Variants in PLPP4 observed in about 807,000 individuals in gnomAD.
PLPP4 encodes the protein phospholipid phosphatase 4.
Under a neutral mutation model 32.2 loss-of-function variants are expected in PLPP4, and 20 were observed. The ratio of observed to expected loss-of-function variants is 0.62; its 90% CI spans 0.44 to 0.90. The LOEUF (loss-of-function observed/expected upper bound fraction) is 0.90, where lower values mean the gene tolerates loss of function less well. Ranked by LOEUF, PLPP4 falls within the 40% of genes least tolerant of loss-of-function variation. The pLI is 0.00. For missense variants in PLPP4, 257 were observed against 353.1 expected (o/e 0.73, Z 2.18); for synonymous variants, 127 against 133.0 (o/e 0.95, Z 0.31).
intron 1 of PLPP4, among the ~76,000 whole-genome samples, chr10:120,487,547 T>C (rs896244098): frequency 6.6e-6 from 1 of 152,252 alleles, no homozygotes; most frequent in South Asian, 2.1e-4. Context: ...ATTAGCTTCC[T>C]TTTATCAATA....
At chr10:120,534,012 T>G (rs1846870935) in intron 5 of PLPP4, among the ~76,000 whole-genome samples, 1 of 152,190 alleles carries the variant, frequency 6.6e-6, no homozygotes, top group Non-Finnish European at 1.5e-5. Context: ...AGAAGAAAGA[T>G]GCATTTATAC....
At chr10:120,540,832 C>T (rs1033779327) in intron 5 of PLPP4, among the ~76,000 whole-genome samples, 2 of 152,180 alleles carry the variant, frequency 1.3e-5, no homozygotes, top group African/African-American at 4.8e-5. Flanking sequence ...GAGGTGAGAA[C>T]AGGCCATGAG....
intron 6 of PLPP4, among the ~76,000 whole-genome samples, chr10:120,587,748 T>G (rs1048067614): frequency 3.3e-5 from 5 of 152,230 alleles, no homozygotes; most frequent in African/African-American, 1.2e-4. Context: ...GAAAGATACA[T>G]TTCTTTAATG....
At chr10:120,568,385 G>T (rs550372496) in intron 5 of PLPP4, among the ~76,000 whole-genome samples, 2 of 152,314 alleles carry the variant, frequency 1.3e-5, no homozygotes, top group South Asian at 4.1e-4. Context: ...AAGGCAGGAG[G>T]AGTTGAGGCT....
intron 1 of PLPP4, among the ~76,000 whole-genome samples, chr10:120,481,473 G>A (rs990997240): frequency 6.6e-6 from 1 of 152,172 alleles, no homozygotes; most frequent in African/African-American, 2.4e-5. Context: ...CACTGCAAAT[G>A]TTGAATTGTG....
At chr10:120,547,769 A>C (rs1847701975) in intron 5 of PLPP4, among the ~76,000 whole-genome samples, 1 of 152,172 alleles carries the variant, frequency 6.6e-6, no homozygotes, top group Non-Finnish European at 1.5e-5. Context: ...GGTTTAGTTC[A>C]TAGGCATTGG....
chr10:120,572,000 AT>A (rs1373140590), intron 5 of PLPP4, among the ~76,000 whole-genome samples: 1 of 152,218 alleles, frequency 6.6e-6, no homozygotes, highest in East Asian at 1.9e-4. Context: ...TTTAAAAAAA[AT>A]ATTCAAAGGC....
At chr10:120,460,551 G>A (rs12765082) in intron 1 of PLPP4, among the ~76,000 whole-genome samples, 17,673 of 152,100 alleles carry the variant, frequency 0.12, 1,817 homozygotes, top group African/African-American at 0.28. Context: ...AGACTATCCC[G>A]TATGCCATTT....
At chr10:120,531,866 CACACACT>C (rs1479248046) in intron 5 of PLPP4, among the ~76,000 whole-genome samples, 40 of 104,758 alleles carry the variant, frequency 3.8e-4, no homozygotes, top group South Asian at 1.8e-3. Flanking sequence ...ACACACACTA[CACACACT>C]ACACACACAC....
intron 5 of PLPP4, among the ~76,000 whole-genome samples, chr10:120,568,310 G>C (rs971841658): frequency 3.9e-5 from 6 of 152,222 alleles, no homozygotes; most frequent in Non-Finnish European, 5.9e-5. Flanking sequence ...AAGGCTGCCA[G>C]CAGCAGGTTA....
chr10:120,508,054 T>C (rs1408960779), intron 2 of PLPP4, among the ~76,000 whole-genome samples: 1 of 152,202 alleles, frequency 6.6e-6, no homozygotes, highest in Admixed American at 6.5e-5. Context: ...TCTTTTTGCT[T>C]CGACCGTGAT....
intron 1 of PLPP4, among the ~76,000 whole-genome samples, chr10:120,486,257 T>C (rs796809235): frequency 3.4e-4 from 20 of 58,434 alleles, no homozygotes; most frequent in African/African-American, 1.1e-3. Flanking sequence ...TCCCATTTCA[T>C]TTAAGTTTTT....
intron 1 of PLPP4, among the ~76,000 whole-genome samples, chr10:120,477,917 G>A (rs1478390948): frequency 3.3e-5 from 5 of 152,176 alleles, no homozygotes; most frequent in South Asian, 2.1e-4. Context: ...TTGTCTGGCC[G>A]ACATGCAGAG....
chr10:120,566,695 C>T (rs1446619918), intron 5 of PLPP4, among the ~76,000 whole-genome samples: 1 of 152,118 alleles, frequency 6.6e-6, no homozygotes, highest in African/African-American at 2.4e-5. Flanking sequence ...GCTAGGATTA[C>T]AGGTGCCTGC....
At chr10:120,531,087 CTTTTTTTT>C (rs71019773) in intron 5 of PLPP4, among the ~76,000 whole-genome samples, 1 of 100,402 alleles carries the variant, frequency 1.0e-5, no homozygotes, top group African/African-American at 3.9e-5. Context: ...CTGTCATTTT[CTTTTTTTT>C]TTTTTTTTTT....
intron 1 of PLPP4, among the ~76,000 whole-genome samples, chr10:120,466,469 T>G (rs1275765396): frequency 6.6e-6 from 1 of 152,046 alleles, no homozygotes; most frequent in Admixed American, 6.5e-5. Context: ...CAAAAACGTA[T>G]TCAACAAAAA....
rs1315700734 is a variant in PLPP4, at chr10:120,576,698, G to A, written c.616+1397G>A. 2.6e-5 allele frequency among the ~76,000 whole-genome samples: 4 copies of A among 152,234 alleles called. No individual in the cohort carries two copies. The East Asian group carries it at 7.7e-4, about 29-fold the overall frequency. On this transcript the variant is annotated intron_variant, in intron 6 of 6. Transcript: ENST00000398250. ...GCATCAAGTGCTACTAAGGTCTGAG[G>A]CCCTCCTGATGGGGGAGGTCAGAAG...
At chr10:120,482,298 T>A (rs1382826229) in intron 1 of PLPP4, among the ~76,000 whole-genome samples, 1 of 152,130 alleles carries the variant, frequency 6.6e-6, no homozygotes, top group Non-Finnish European at 1.5e-5. Flanking sequence ...TTGACCAAAA[T>A]GCTGATAATG....
intron 1 of PLPP4, among the ~76,000 whole-genome samples, chr10:120,461,193 G>A (rs1848029935): frequency 6.6e-6 from 1 of 152,200 alleles, no homozygotes; most frequent in Admixed American, 6.5e-5. Flanking sequence ...TTTGATCATG[G>A]CATAGATTTT....
Sources: gnomAD v4.1 joint callset for allele counts (sites outside exome capture counted in the v4.1 genomes callset) on GRCh38, gnomAD v4.1.1 for gene constraint, MANE v1.5 for transcripts, NCBI Gene and HGNC (gene_info 2026-07-23, HGNC 2026-07-21) for gene names.